The following KCTD8 variants were observed in gnomAD, a reference collection of about 807,000 sequenced individuals.
The protein encoded by KCTD8 is potassium channel tetramerization domain containing 8.
In KCTD8, 27 loss-of-function variants were observed where a neutral mutation model predicts 31.5. The observed-to-expected ratio is 0.86, with a 90% CI of 0.63 to 1.18. The LOEUF is 1.18. KCTD8 is among the 50% of genes most tolerant of loss of function. The pLI is 0.00. For synonymous variants in KCTD8, 290 were observed against 280.0 expected (o/e 1.04, Z -0.36); for missense variants, 658 against 647.7 (o/e 1.02, Z -0.17).
intron 1 of KCTD8, among the ~76,000 whole-genome samples, chr4:44,441,730 T>C (rs1370484714): frequency 6.6e-6 from 1 of 152,206 alleles, no homozygotes; most frequent in Non-Finnish European, 1.5e-5. Flanking sequence ...AGGGAACTAA[T>C]GTCAAGCTCA....
chr4:44,373,462 C>T (rs753630074), intron 1 of KCTD8, among the ~76,000 whole-genome samples: 3 of 152,038 alleles, frequency 2.0e-5, no homozygotes, highest in East Asian at 1.9e-4. Flanking sequence ...CTATGATTCT[C>T]GGTACCTAAC....
intron 1 of KCTD8, among the ~76,000 whole-genome samples, chr4:44,339,635 A>G (rs1156259198): frequency 6.6e-6 from 1 of 152,148 alleles, no homozygotes; most frequent in Non-Finnish European, 1.5e-5. Flanking sequence ...CACAACAAGG[A>G]GACAAAAATA....
intron 1 of KCTD8, among the ~76,000 whole-genome samples, chr4:44,189,918 C>T (rs1713711985): frequency 6.6e-6 from 1 of 152,122 alleles, no homozygotes; most frequent in Non-Finnish European, 1.5e-5. Flanking sequence ...GTCATTTTCG[C>T]TATTCCAATT....
Position 44,353,979 on chromosome 4 carries a change from C to A in KCTD8, c.961+93584G>T, listed in dbSNP as rs149900059. Among the ~76,000 whole-genome samples, 4 of 152,196 alleles carry A rather than the reference C, an allele frequency of 2.6e-5. No homozygotes were observed. The East Asian group carries it at 5.8e-4, about 22-fold the overall frequency. The stretch of plus-strand genomic sequence containing the variant: ...CCAACCATTGGAATTGGTAACCCTG[C>A]AACCAATATTTTTTTAAAAATCTAG... On this transcript the variant is annotated intron_variant, in intron 1 of 1. Coordinates refer to ENST00000360029, the MANE Select transcript of KCTD8 (RefSeq NM_198353.3).
chr4:44,397,881 T>C (rs28529108), intron 1 of KCTD8, among the ~76,000 whole-genome samples: 1 of 152,112 alleles, frequency 6.6e-6, no homozygotes, highest in Non-Finnish European at 1.5e-5. Context: ...ACCTAAAAAA[T>C]TGATTTTTTT....
intron 1 of KCTD8, among the ~76,000 whole-genome samples, chr4:44,432,611 T>G (rs1377508925): frequency 1.3e-5 from 2 of 151,640 alleles, no homozygotes; most frequent in African/African-American, 4.8e-5. Context: ...AGCAACTGGT[T>G]GCATTAACTA....
At chr4:44,256,252 C>A (rs1165652721) in intron 1 of KCTD8, among the ~76,000 whole-genome samples, 1 of 151,886 alleles carries the variant, frequency 6.6e-6, no homozygotes, top group Non-Finnish European at 1.5e-5. Flanking sequence ...CAAACCATAT[C>A]AACCAGGTTA....
At chr4:44,229,110 G>T (rs540147404) in intron 1 of KCTD8, among the ~76,000 whole-genome samples, 1 of 152,204 alleles carries the variant, frequency 6.6e-6, no homozygotes, top group South Asian at 2.1e-4. Flanking sequence ...TAAGGCATTG[G>T]ATTATTATCA....
At chr4:44,370,841 G>A (rs1194685424) in intron 1 of KCTD8, among the ~76,000 whole-genome samples, 1 of 152,156 alleles carries the variant, frequency 6.6e-6, no homozygotes, top group Admixed American at 6.5e-5. Flanking sequence ...TGAATGCTGA[G>A]TTAGCCTAAC....
chr4:44,410,872 C>G (rs1720936471), intron 1 of KCTD8, among the ~76,000 whole-genome samples: 4 of 152,114 alleles, frequency 2.6e-5, no homozygotes. Context: ...CACAGCCAAA[C>G]CATATCAGCA....
At chr4:44,206,099 T>A (rs1396290702) in intron 1 of KCTD8, among the ~76,000 whole-genome samples, 5 of 151,604 alleles carry the variant, frequency 3.3e-5, no homozygotes, top group Admixed American at 6.5e-5. Flanking sequence ...TATTTTTTTT[T>A]AATTTATAAT....
chr4:44,392,801 C>T (rs184791757), intron 1 of KCTD8, among the ~76,000 whole-genome samples: 2 of 152,090 alleles, frequency 1.3e-5, no homozygotes, highest in Non-Finnish European at 2.9e-5. Flanking sequence ...AGTCTAGCTT[C>T]ATCATAATTT....
intron 1 of KCTD8, among the ~76,000 whole-genome samples, chr4:44,290,837 T>C (rs1243773004): frequency 6.6e-6 from 1 of 151,998 alleles, no homozygotes; most frequent in East Asian, 1.9e-4. Flanking sequence ...TTTATAGAAA[T>C]AAACGCCTTC....
intron 1 of KCTD8, among the ~76,000 whole-genome samples, chr4:44,309,420 A>T (rs1195916976): frequency 6.6e-6 from 1 of 152,146 alleles, no homozygotes; most frequent in Non-Finnish European, 1.5e-5. Context: ...ACTGTCTTAG[A>T]TTCAATAAAA....
chr4:44,275,079 G>A (rs1477171146), intron 1 of KCTD8, among the ~76,000 whole-genome samples: 1 of 151,920 alleles, frequency 6.6e-6, no homozygotes, highest in Non-Finnish European at 1.5e-5. Context: ...CTACATATGA[G>A]ACAGGATAAA....
intron 1 of KCTD8, among the ~76,000 whole-genome samples, chr4:44,207,314 C>T (rs1478821042): frequency 6.6e-6 from 1 of 152,174 alleles, no homozygotes; most frequent in Non-Finnish European, 1.5e-5. Context: ...ATATCATCTT[C>T]TTGGTAAGTT....
chr4:44,411,509 A>G (rs1720955980), intron 1 of KCTD8, among the ~76,000 whole-genome samples: 1 of 152,136 alleles, frequency 6.6e-6, no homozygotes, highest in African/African-American at 2.4e-5. Context: ...CACAATTTAT[A>G]AAAATGAATG....
rs371131299 is a variant in KCTD8 at position 44,421,767 on chromosome 4, GAAAAGAACCATGC to G, written c.961+25783_961+25795del. 4.6e-4 allele frequency among the ~76,000 whole-genome samples: 70 copies of G among 152,110 alleles called. 1 individual carries two copies. In the East Asian group the frequency reaches 0.013, roughly 28 times the overall value. ...AGACAAAATCCTTGGAAATAATGGG[GAAAAGAACCATGC>G]AACATCTGTTTCTGATGTTCCAATT... On this transcript the variant is annotated intron_variant, in intron 1 of 1. Coordinates refer to ENST00000360029, the MANE Select transcript of KCTD8 (RefSeq NM_198353.3).
At chr4:44,397,715 C>G (rs1204085546) in intron 1 of KCTD8, among the ~76,000 whole-genome samples, 1 of 151,910 alleles carries the variant, frequency 6.6e-6, no homozygotes, top group East Asian at 1.9e-4. Flanking sequence ...TATCTTCTTA[C>G]AAAAAAATGA....
Sources: allele counts gnomAD v4.1 joint callset (sites outside exome capture counted in the v4.1 genomes callset), GRCh38; gene constraint gnomAD v4.1.1; transcripts MANE v1.5; gene names NCBI Gene and HGNC (gene_info 2026-07-23, HGNC 2026-07-21).